Variants in RHOU observed in about 807,000 individuals in gnomAD.
RHOU encodes the protein ras homolog family member U.
In RHOU, 8 loss-of-function variants were observed where a neutral mutation model predicts 12.6. That is an observed-to-expected ratio of 0.64 (90% CI 0.37 to 1.15). The LOEUF (loss-of-function observed/expected upper bound fraction) is 1.15. Ranked by LOEUF, RHOU falls within the 50% of genes most tolerant of loss-of-function variation. The probability of loss-of-function intolerance (pLI) is 0.01; values close to 1 mark genes in which losing one functional copy is unlikely to be tolerated. For synonymous variants in RHOU, 161 were observed against 147.4 expected (o/e 1.09, Z -0.67); for missense variants, 258 against 347.0 (o/e 0.74, Z 2.04).
At chr1:228,647,019 G>C in the RHOU span, among the ~76,000 whole-genome samples, 1 of 144,754 alleles carries the variant, frequency 6.9e-6, no homozygotes, top group East Asian at 2.3e-4. Context: ...AGGTCCAGGG[G>C]GAAACCCAGA....
At chr1:228,705,680 T>G in the RHOU span, among the ~76,000 whole-genome samples, 1 of 152,184 alleles carries the variant, frequency 6.6e-6, no homozygotes, top group African/African-American at 2.4e-5. Context: ...GTAAGTTAAT[T>G]ATTAGATCCA....
chr1:228,669,431 A>T, the RHOU span, among the ~76,000 whole-genome samples: 1 of 152,002 alleles, frequency 6.6e-6, no homozygotes, highest in African/African-American at 2.4e-5. Flanking sequence ...GCTTTTTTGG[A>T]TGGAATGTTT....
chr1:228,699,360 A>G, the RHOU span, among the ~76,000 whole-genome samples: 2 of 147,466 alleles, frequency 1.4e-5, no homozygotes, highest in African/African-American at 2.5e-5. Context: ...AGGTGGGAGG[A>G]TCACTCAAGC....
the RHOU span, among the ~76,000 whole-genome samples, chr1:228,671,434 C>G: frequency 6.1e-3 from 920 of 151,938 alleles, 8 homozygotes; most frequent in African/African-American, 0.02. Context: ...ATATGACAAT[C>G]GGCCGGGGGT....
At chr1:228,680,697 C>T in the RHOU span, among the ~76,000 whole-genome samples, 1 of 152,172 alleles carries the variant, frequency 6.6e-6, no homozygotes, top group African/African-American at 2.4e-5. Context: ...AGGTGACCTT[C>T]TGGTCCCTCT....
At chr1:228,674,147 A>G in the RHOU span, among the ~76,000 whole-genome samples, 1 of 152,196 alleles carries the variant, frequency 6.6e-6, no homozygotes, top group Non-Finnish European at 1.5e-5. Context: ...TCATGCATGC[A>G]TTGGCCATTT....
At chr1:228,684,900 T>C in the RHOU span, among the ~76,000 whole-genome samples, 3 of 152,102 alleles carry the variant, frequency 2.0e-5, no homozygotes, top group African/African-American at 7.2e-5. Flanking sequence ...CAGGACGAGT[T>C]TGTAAAGTGA....
the RHOU span, among the ~76,000 whole-genome samples, chr1:228,696,873 A>G: frequency 1.1e-4 from 17 of 152,222 alleles, no homozygotes; most frequent in Non-Finnish European, 8.8e-5. Context: ...TCATTCCCAC[A>G]GTATGCCAAA....
At chr1:228,722,113 GA>G in the RHOU span, among the ~76,000 whole-genome samples, 1 of 152,208 alleles carries the variant, frequency 6.6e-6, no homozygotes, top group South Asian at 2.1e-4. Context: ...GTAAACAAAG[GA>G]AACAAGAATT....
At chr1:228,686,895 A>G in the RHOU span, among the ~76,000 whole-genome samples, 1 of 152,190 alleles carries the variant, frequency 6.6e-6, no homozygotes, top group East Asian at 1.9e-4. Context: ...GTGTACCACC[A>G]CATCTAGCTG....
the RHOU span, among the ~76,000 whole-genome samples, chr1:228,672,643 T>C: frequency 6.6e-6 from 1 of 152,314 alleles, no homozygotes; most frequent in East Asian, 1.9e-4. Flanking sequence ...CCAAGTTTAA[T>C]ACTGCAGTAG....
At chr1:228,705,034 T>G in the RHOU span, among the ~76,000 whole-genome samples, 1 of 151,832 alleles carries the variant, frequency 6.6e-6, no homozygotes, top group South Asian at 2.1e-4. Context: ...ACTCCTGACC[T>G]CAAGTGATCT....
At chr1:228,672,260 C>T in the RHOU span, among the ~76,000 whole-genome samples, 5 of 152,178 alleles carry the variant, frequency 3.3e-5, no homozygotes, top group African/African-American at 4.8e-5. Flanking sequence ...CTCTGCCTCC[C>T]GGGTTCAAGC....
the RHOU span, chr1:228,650,053 TTTCTC>T: frequency 2.6e-6 from 1 of 390,450 alleles, no homozygotes; most frequent in African/African-American, 2.1e-5. Flanking sequence ...TGTTTTGACT[TTTCTC>T]TAAAGGCATC....
chr1:228,684,307 G>T, the RHOU span, among the ~76,000 whole-genome samples: 1 of 150,240 alleles, frequency 6.7e-6, no homozygotes, highest in African/African-American at 2.5e-5. Context: ...ACTGTGCTGA[G>T]ATTACCCATG....
chr1:228,673,390 G>A, the RHOU span, among the ~76,000 whole-genome samples: 10 of 152,290 alleles, frequency 6.6e-5, no homozygotes, highest in African/African-American at 2.4e-4. Context: ...ATAGCTGCTT[G>A]AATATACCCC....
At chr1:228,719,789 A>C in the RHOU span, among the ~76,000 whole-genome samples, 4 of 152,074 alleles carry the variant, frequency 2.6e-5, no homozygotes, top group Admixed American at 2.6e-4. Context: ...TAAAACTGCA[A>C]CTGAATTCAG....
the RHOU span, among the ~76,000 whole-genome samples, chr1:228,709,253 G>A: frequency 6.7e-6 from 1 of 149,500 alleles, no homozygotes; most frequent in East Asian, 2.0e-4. Context: ...AGATCAACGA[G>A]ACAGAAAGTC....
chr1:228,726,665 A>C, the RHOU span, among the ~76,000 whole-genome samples: 1 of 116,566 alleles, frequency 8.6e-6, no homozygotes, highest in East Asian at 2.4e-4. Flanking sequence ...ACTCCATCTC[A>C]AAAAAAAAAA....
Sources: allele counts gnomAD v4.1 joint callset (sites outside exome capture counted in the v4.1 genomes callset), GRCh38; gene constraint gnomAD v4.1.1; transcripts MANE v1.5; gene names NCBI Gene and HGNC (gene_info 2026-07-23, HGNC 2026-07-21).